Variants in ADAMTS4 observed in about 807,000 individuals in gnomAD.
ADAMTS4 encodes the protein ADAM metallopeptidase with thrombospondin type 1 motif 4.
Under a neutral mutation model 66.7 loss-of-function variants are expected in ADAMTS4, and 38 were observed. That is an observed-to-expected ratio of 0.57 (90% CI 0.44 to 0.75). The LOEUF (loss-of-function observed/expected upper bound fraction) is 0.75, where lower values mean the gene tolerates loss of function less well. Among genes scored for constraint, ADAMTS4 ranks in the 30% least tolerant of loss-of-function variants. ADAMTS4 has a pLI of 0.00. For synonymous variants in ADAMTS4, 418 were observed against 461.5 expected (o/e 0.91, Z 1.21); for missense variants, 1,014 against 1,116.7 (o/e 0.91, Z 1.31).
Position 161,191,209 on chromosome 1 carries a change from G to A in ADAMTS4, c.2443C>T (p.Gln815Ter). Reference sequence around the variant, plus strand: ...TGTGCTCTTCGGTGCAGCCAGTCCTGGGGAGTGGGGCGTGGCGTTGAAGGG... The same window carrying A: ...TGTGCTCTTCGGTGCAGCCAGTCCTAGGGAGTGGGGCGTGGCGTTGAAGGG... Reference protein sequence around the residue: ...PTPSTPRPTPQDWLHRRAQIL... With the variant: ...PTPSTPRPTP Residue 815 changes from glutamine (Q) to a stop codon, truncating the protein, a stop_gained, in exon 9 of 9, where the codon CAG (glutamine) becomes TAG (stop). Transcript: ENST00000367996. LOFTEE classifies it high-confidence loss of function. 1 of 1,610,460 alleles carries A rather than the reference G, an allele frequency of 6.2e-7. No individual in the cohort carries two copies. Among genetic ancestry groups the A allele is most frequent in the Non-Finnish European group, 8.5e-7 (1 of 1,177,576 alleles).
Position 161,196,320 on chromosome 1 carries a change from TAGA to T in ADAMTS4, c.958-20_958-18del. The T allele has an allele frequency of 1.9e-6, 3 of 1,596,470 alleles. No homozygotes were observed. Among genetic ancestry groups the T allele is most frequent in the Non-Finnish European group, 2.6e-6 (3 of 1,171,190 alleles). ...ACACAGGTCCTGTGGAGAGGGATCA[TAGA>T]AGGTGCATAGACAGCCAAGACACCT... On this transcript the variant is annotated intron_variant, in intron 2 of 8. Transcript: ENST00000367996.
In ADAMTS4 at chr1:161,198,763, G is replaced by T; in HGVS notation, c.-136C>A. 1.3e-6 allele frequency: 1 copy of T among 784,942 alleles called. No individual in the cohort carries two copies. 48.6% of individuals were successfully genotyped at this position (784,942 alleles called of 1,614,324 possible). ...AGGTCAGAGGCAAAGTTTTCAGAAGGGCTGAGGACCGTTAAAGGAAATGGA... is the reference window on the plus strand; with the variant it reads ...AGGTCAGAGGCAAAGTTTTCAGAAGTGCTGAGGACCGTTAAAGGAAATGGA... On this transcript the variant is annotated 5_prime_UTR_variant, in exon 1 of 9. Transcript: ENST00000367996. This position sits in a 1 kb window ranked among gnomAD's most constrained non-coding sequence, Gnocchi z 4.7.
Position 161,197,972 on chromosome 1 carries a change from A to C in ADAMTS4, c.633+23T>G, listed in dbSNP as rs767274618. On this transcript the variant is annotated intron_variant, in intron 1 of 8. Transcript: ENST00000367996. ...AGACATGGCGGGAGGACACCGCAGG[A>C]CACAGACTCCAGAGATGCCTACCTT... is the stretch of plus-strand genomic sequence containing the variant. 3.9e-6 allele frequency: 6 copies of C among 1,537,898 alleles called. No homozygotes were observed. In the Admixed American group the frequency reaches 1.2e-4, roughly 31 times the overall value.
In ADAMTS4 at chr1:161,196,249, C is replaced by T. The variant is rs376460245; in HGVS notation, c.1012G>A (p.Val338Ile). ...DTLGMADVGTVCDPARSCAIV... is the reference protein window; with the variant it reads ...DTLGMADVGTICDPARSCAIV... ...GCACAGCTCCGAGCCGGGTCACAGA[C>T]GGTGCCCACATCAGCCATACCCAGC... The change falls in exon 3 of 9, where the codon GTC (valine) becomes ATC (isoleucine). Residue 338 changes from valine to isoleucine, a missense_variant. Physicochemically the swap from Val to Ile is conservative, Grantham distance 29. Coordinates refer to ENST00000367996, the MANE Select transcript of ADAMTS4 (RefSeq NM_005099.6). 1.2e-5 allele frequency: 19 copies of T among 1,613,628 alleles called. No individual in the cohort carries two copies. Among genetic ancestry groups the T allele is most frequent in the Admixed American group, 5.0e-5 (3 of 59,918 alleles).
Position 161,191,144 on chromosome 1 carries a change from C to T in ADAMTS4, c.2508G>A (p.Arg836=), listed in dbSNP as rs1375435464. 1 of 1,547,834 alleles carries T rather than the reference C, an allele frequency of 6.5e-7. No individual in the cohort carries two copies. Among genetic ancestry groups the T allele is most frequent in the East Asian group, 2.3e-5 (1 of 44,150 alleles). The change falls in exon 9 of 9, where the codon AGG becomes AGA. Residue 836 remains arginine (R), a synonymous_variant. Coordinates refer to ENST00000367996, the MANE Select transcript of ADAMTS4 (RefSeq NM_005099.6). ...GGCAGCCGGGATAGTGAGGTTATTTCCTGCCCGCCCAGGGGCGCCGCCGAA... is the reference window on the plus strand; with the variant it reads ...GGCAGCCGGGATAGTGAGGTTATTTTCTGCCCGCCCAGGGGCGCCGCCGAA... ...EILRRRPWAG[R]K
chr1:161,193,118 G>A lies in ADAMTS4; in HGVS notation c.1911+95C>T, dbSNP rs1664719078. 3 of 1,387,906 alleles carry A rather than the reference G, an allele frequency of 2.2e-6. No individual in the cohort carries two copies. Among genetic ancestry groups the A allele is most frequent in the Non-Finnish European group, 2.9e-6 (3 of 1,031,024 alleles). The allele number at this position is 1,387,906 out of a possible 1,614,324, so 86.0% of individuals were successfully genotyped here. A position where few individuals can be genotyped will look rare whatever the true frequency, so the allele number is the denominator to read the frequency against. On this transcript the variant is annotated intron_variant, in intron 7 of 8. Coordinates refer to ENST00000367996, the MANE Select transcript of ADAMTS4 (RefSeq NM_005099.6). The surrounding 1 kb of genome is among the most constrained non-coding windows in gnomAD (Gnocchi z 4.4). ...CTGGGCTGGCGTGGCTGTAGGAACA[G>A]GGTTACTTTGGGTGATCTTTGTTAT...
At chr1:161,195,963 AGAG>A in intron 3 of ADAMTS4, 2 of 577,154 alleles carry the variant, frequency 3.5e-6, no homozygotes, top group Non-Finnish European at 5.8e-6. Context: ...ACACACACAC[AGAG>A]GAGTTCACAG....
In ADAMTS4 at chr1:161,191,025, G is replaced by A. The variant is rs553901778; in HGVS notation, c.*113C>T. 68 of 1,271,690 alleles carry A rather than the reference G, an allele frequency of 5.3e-5. No homozygotes were observed. The East Asian group carries it at 1.4e-3, about 27-fold the overall frequency. The allele number at this position is 1,271,690 out of a possible 1,614,324, so 78.8% of individuals were successfully genotyped here. A position where few individuals can be genotyped will look rare whatever the true frequency, so the allele number is the denominator to read the frequency against. On this transcript the variant is annotated 3_prime_UTR_variant, in exon 9 of 9. Transcript: ENST00000367996. ...GGCAGAGAGGAGGGGCAGGTCTCAC[G>A]CCCACAGCCCCTCCCCACTGAGTCT...
At position 161,193,892 on chromosome 1, in the gene ADAMTS4, A is replaced by C. The variant is rs761381809; in HGVS notation, c.1548+43T>G. 6.4e-7 allele frequency: 1 copy of C among 1,562,964 alleles called. No individual in the cohort carries two copies. Among genetic ancestry groups the C allele is most frequent in the Non-Finnish European group, 8.7e-7 (1 of 1,151,990 alleles). ...TCTCCTGGGCTTAAGGCCAGTCCCC[A>C]CACCCCCGGGCCCTTTACCCCACCC... On this transcript the variant is annotated intron_variant, in intron 5 of 8. Coordinates refer to ENST00000367996, the MANE Select transcript of ADAMTS4 (RefSeq NM_005099.6). The surrounding 1 kb of genome is among the most constrained non-coding windows in gnomAD (Gnocchi z 4.4).
Position 161,198,070 on chromosome 1 carries a change from A to G in ADAMTS4, c.558T>C (p.Pro186=). ...TGCACATGGGACCTTGACCGCTGGC[A>G]GGACTCTTCCGGCGTAGGATGTGAG... The part of the protein sequence containing the change: ...PGAHILRRKS[P]ASGQGPMCNV... Residue 186 remains proline (P), a synonymous_variant, in exon 1 of 9, where the codon CCT becomes CCC. Transcript: ENST00000367996. The surrounding 1 kb of genome is among the most constrained non-coding windows in gnomAD (Gnocchi z 4.7). The G allele has an allele frequency of 6.2e-7, 1 of 1,610,794 alleles. No homozygotes were observed. The highest frequency in any genetic ancestry group is 8.5e-7 in the Non-Finnish European group (1 of 1,177,646).
intron 1 of ADAMTS4, 69 bp from the exon 2 acceptor site, chr1:161,196,949 A>G (rs780583636): frequency 3.0e-4 from 412 of 1,364,438 alleles, no homozygotes; most frequent in Non-Finnish European, 3.9e-4. Context: ...CGATTCTCCA[A>G]TCCCTCACTT....
intron 3 of ADAMTS4, 106 bp downstream of exon 3, chr1:161,196,065 C>T: frequency 7.3e-7 from 1 of 1,373,940 alleles, no homozygotes; most frequent in East Asian, 2.4e-5. Flanking sequence ...TATACCTAGG[C>T]CTGGGGGAAG....
Position 161,184,998 on chromosome 1 carries a change from G to GTGACAGAA in ADAMTS4, c.*6132_*6139dup, listed in dbSNP as rs1225296551. The GTGACAGAA allele has an allele frequency of 7.2e-6, 1 of 138,724 alleles. No homozygotes were observed. The highest frequency in any genetic ancestry group is 1.5e-5 in the Non-Finnish European group (1 of 65,242). 8.6% of individuals were successfully genotyped at this position (138,724 alleles called of 1,614,324 possible). On this transcript the variant is annotated 3_prime_UTR_variant, in exon 9 of 9. Coordinates refer to ENST00000367996, the MANE Select transcript of ADAMTS4 (RefSeq NM_005099.6). ...ATCACGCCATTGCACTCTAGCCTGG[G>GTGACAGAA]TGACAGAATGAGAATCTGTCTTAAG...
In ADAMTS4 at chr1:161,198,375, A is replaced by G. The variant is rs1472916392; in HGVS notation, c.253T>C (p.Leu85=). The G allele has an allele frequency of 6.2e-7, 1 of 1,612,890 alleles. No homozygotes were observed. The highest frequency in any genetic ancestry group is 1.7e-5 in the Admixed American group (1 of 59,964). Residue 85 remains leucine (L), a synonymous_variant, in exon 1 of 9, where the codon TTG becomes CTG. Transcript: ENST00000367996. The surrounding 1 kb of genome is among the most constrained non-coding windows in gnomAD (Gnocchi z 4.7). Reference sequence around the variant, plus strand: ...AGCAGCGTCTCCCCAAAGGCCTGCAAGCGGCACAACAGCCTGGCAGGGGCG... The same window carrying G: ...AGCAGCGTCTCCCCAAAGGCCTGCAGGCGGCACAACAGCCTGGCAGGGGCG... ...SGAPARLLCR[L]QAFGETLLLE...
rs1406629683 is a variant in ADAMTS4 at position 161,192,221 on chromosome 1, C to G, written c.1931G>C (p.Cys644Ser). The G allele has an allele frequency of 1.9e-6, 3 of 1,613,614 alleles. No homozygotes were observed. Among genetic ancestry groups the G allele is most frequent in the African/African-American group, 1.3e-5 (1 of 74,854 alleles). The stretch of plus-strand genomic sequence containing the variant: ...ACAGACCGAGGAGCTGTCCGGGGAA[C>G]AGGGGGTCCCATCTACCACCTGAGG... Reference protein sequence around the residue: ...LEPRVVDGTPCSPDSSSVCVQ... With the variant: ...LEPRVVDGTPSSPDSSSVCVQ... The change falls in exon 8 of 9, where the codon TGT (cysteine) becomes TCT (serine). Residue 644 changes from cysteine to serine, a missense_variant. By Grantham distance (112) the Cys-to-Ser change is moderately radical (BLOSUM62 -1). Coordinates refer to ENST00000367996, the MANE Select transcript of ADAMTS4 (RefSeq NM_005099.6).
Position 161,188,745 on chromosome 1 carries a change from TCTCA to T in ADAMTS4, c.*2389_*2392del, listed in dbSNP as rs1664593230. ...GTTTTTGTTTTTGTATCGAGACGAG[TCTCA>T]CTCTGTCTCCCAGGCTGGAGTGCAG... On this transcript the variant is annotated 3_prime_UTR_variant, in exon 9 of 9. Transcript: ENST00000367996. 1 of 150,136 alleles carries T rather than the reference TCTCA, an allele frequency of 6.7e-6. No individual in the cohort carries two copies. The allele number at this position is 150,136 out of a possible 1,614,324, so 9.3% of individuals were successfully genotyped here.
Position 161,198,785 on chromosome 1 carries a change from T to C in ADAMTS4, c.-158A>G, listed in dbSNP as rs370827687. The C allele has an allele frequency of 4.9e-5, 32 of 659,616 alleles. 1 individual carries two copies. The South Asian group carries it at 7.5e-4, about 16-fold the overall frequency. 40.9% of individuals were successfully genotyped at this position (659,616 alleles called of 1,614,324 possible). The stretch of plus-strand genomic sequence containing the variant: ...AAGGGCTGAGGACCGTTAAAGGAAA[T>C]GGAGAAAACTTAGTCCTTGGGCTTG... On this transcript the variant is annotated 5_prime_UTR_variant, in exon 1 of 9. Coordinates refer to ENST00000367996, the MANE Select transcript of ADAMTS4 (RefSeq NM_005099.6). The surrounding 1 kb of genome is among the most constrained non-coding windows in gnomAD (Gnocchi z 4.7).
At position 161,195,514 on chromosome 1, in the gene ADAMTS4, C is replaced by G; in HGVS notation, c.1212G>C (p.Trp404Cys). ...VMAHVDPEEP[W>C]SPCSARFITD... ...TGATGAAGCGGGCACTGCAGGGGGA[C>G]CAGGGCTCCTCAGGATCCACATGAG... The change falls in exon 4 of 9, where the codon TGG becomes TGC. Residue 404 changes from tryptophan (W) to cysteine (C), a missense_variant. By Grantham distance (215) the Trp-to-Cys change is radical. Transcript: ENST00000367996. 1 of 1,613,768 alleles carries G rather than the reference C, an allele frequency of 6.2e-7. No individual in the cohort carries two copies. Among genetic ancestry groups the G allele is most frequent in the African/African-American group, 1.3e-5 (1 of 75,012 alleles).
At chr1:161,197,130 C>T (rs1422361959) in intron 1 of ADAMTS4, 3 of 477,414 alleles carry the variant, frequency 6.3e-6, no homozygotes, top group Non-Finnish European at 3.8e-6. Flanking sequence ...GGGGACGCCA[C>T]ATCCCAGGGC....
Sources: allele counts gnomAD v4.1 joint callset, GRCh38; gene constraint gnomAD v4.1.1; non-coding constraint Gnocchi (gnomAD v3.1); transcripts MANE v1.5; gene names NCBI Gene and HGNC (gene_info 2026-07-23, HGNC 2026-07-21).